Variants in CMC4 observed in about 807,000 individuals in gnomAD.
CMC4 encodes the protein cx9C motif-containing protein 4.
In CMC4, 4 loss-of-function variants were observed where a neutral mutation model predicts 5.1. The ratio of observed to expected loss-of-function variants is 0.78; its 90% CI spans 0.38 to 1.78. The LOEUF is 1.78. Among genes scored for constraint, CMC4 ranks in the 40% most tolerant of loss-of-function variants. CMC4 has a pLI of 0.04. For synonymous variants in CMC4, 23 were observed against 18.9 expected (o/e 1.22, Z -0.57); for missense variants, 52 against 51.3 (o/e 1.01, Z -0.04).
intron 1 of CMC4, chrX:155,065,765 C>T: frequency 8.3e-7 from 1 of 1,211,173 alleles, no homozygotes; most frequent in Non-Finnish European, 1.1e-6. Flanking sequence ...ATTTGCTGGA[C>T]TCGTGCCCTT....
intron 1 of CMC4, among the ~76,000 whole-genome samples, chrX:155,066,360 C>A (rs2073948262): frequency 8.9e-6 from 1 of 112,146 alleles, no homozygotes; most frequent in Non-Finnish European, 1.9e-5. Context: ...ACACATACTG[C>A]ATTCACAAGC....
At chrX:155,063,327 C>T (rs187897873) in intron 2 of CMC4, among the ~76,000 whole-genome samples, 11 of 112,293 alleles carry the variant, frequency 9.8e-5, no homozygotes, top group African/African-American at 3.6e-4. Flanking sequence ...CCATCTCCAT[C>T]TATTACTTTA....
rs2073972861 is a variant in CMC4, at chrX:155,071,081, G to A, written c.-398C>T. On this transcript the variant is annotated 5_prime_UTR_variant, in exon 1 of 3. Transcript: ENST00000369484. ...GTCTCCTTAGCGGGCGGGCAAAATG[G>A]GCGCCGGTACTCGGGAGGCGCCTGC... 9.0e-6 allele frequency: 1 copy of A among 111,579 alleles called. No homozygotes were observed. Among genetic ancestry groups the A allele is most frequent in the Admixed American group, 9.3e-5 (1 of 10,754 alleles). 9.2% of individuals were successfully genotyped at this position (111,579 alleles called of 1,213,427 possible).
chrX:155,065,414 C>T, intron 1 of CMC4: 1 of 998,827 alleles, frequency 1.0e-6, no homozygotes, highest in South Asian at 2.0e-5. Context: ...AAAAAAAAAT[C>T]ATTAAAATCA....
At chrX:155,063,259 A>T (rs1168448133) in intron 2 of CMC4, among the ~76,000 whole-genome samples, 6 of 112,242 alleles carry the variant, frequency 5.3e-5, no homozygotes, top group African/African-American at 1.9e-4. Flanking sequence ...TTGGTGGTGA[A>T]TCTTTGGGGG....
chrX:155,065,772 C>G, intron 1 of CMC4: 1 of 1,210,777 alleles, frequency 8.3e-7, no homozygotes, highest in Non-Finnish European at 1.1e-6. Flanking sequence ...GGACTCGTGC[C>G]CTTAGGAAAC....
At chrX:155,070,560 A>C (rs1188825481) in intron 1 of CMC4, 134 bp downstream of exon 1, 1 of 112,428 alleles carries the variant, frequency 8.9e-6, no homozygotes, top group Non-Finnish European at 1.9e-5. Flanking sequence ...TAAAAACTGA[A>C]GTTCTCCATT....
intron 1 of CMC4, chrX:155,064,280 T>C (rs1426867302): frequency 4.2e-6 from 1 of 237,405 alleles, no homozygotes; most frequent in Non-Finnish European, 7.6e-6. Flanking sequence ...CAACTCTTTT[T>C]GAATACTGTA....
chrX:155,067,793 A>G lies in CMC4; in HGVS notation c.-11+2901T>C, dbSNP rs782802099. 4.0e-4 allele frequency among the ~76,000 whole-genome samples: 45 copies of G among 112,531 alleles called. 1 individual carries two copies. The highest frequency in any genetic ancestry group is 1.4e-3 in the African/African-American group (42 of 30,969). ...TCAGGTACTGGTCAAGCAATGTTTC[A>G]GTGAACAGGTGTATATGTATGGTGG... On this transcript the variant is annotated intron_variant, in intron 1 of 2. Transcript: ENST00000369484.
chrX:155,068,220 T>C (rs896216792), intron 1 of CMC4, among the ~76,000 whole-genome samples: 12 of 112,074 alleles, frequency 1.1e-4, no homozygotes, highest in East Asian at 2.8e-4. Flanking sequence ...CAAAATTGCA[T>C]TGGTTATATT....
chrX:155,062,061 G>A, intron 2 of CMC4, 70 bp from the exon 3 acceptor site: 1 of 1,006,250 alleles, frequency 9.9e-7, no homozygotes, highest in Non-Finnish European at 1.3e-6. Context: ...TTAGATCAGT[G>A]CTTCCCACCC....
At chrX:155,064,095 C>A (rs1557291831) in intron 1 of CMC4, 62 bp from the exon 2 acceptor site, 1 of 948,800 alleles carries the variant, frequency 1.1e-6, no homozygotes, top group African/African-American at 2.0e-5. Context: ...AGCCCCTCTA[C>A]GTGGAATTTT....
At chrX:155,066,413 C>T (rs1557292025) in intron 1 of CMC4, among the ~76,000 whole-genome samples, 1 of 112,159 alleles carries the variant, frequency 8.9e-6, no homozygotes, top group African/African-American at 3.2e-5. Context: ...ATGCAAAGAG[C>T]GTGCCTAAAG....
intron 1 of CMC4, chrX:155,065,390 A>C (rs2073944299): frequency 1.2e-6 from 1 of 814,819 alleles, no homozygotes; most frequent in Non-Finnish European, 1.8e-6. Context: ...TCTTCGTAGA[A>C]TCCCAGCACC....
chrX:155,068,599 C>A (rs2073957832), intron 1 of CMC4, among the ~76,000 whole-genome samples: 1 of 112,349 alleles, frequency 8.9e-6, no homozygotes, highest in African/African-American at 3.2e-5. Flanking sequence ...TATACAATCA[C>A]AGGTTTTATG....
At position 155,071,035 on chromosome X, in the gene CMC4, A is replaced by C. The variant is rs2073972471; in HGVS notation, c.-352T>G. 8.9e-6 allele frequency: 1 copy of C among 112,758 alleles called. No homozygotes were observed. The highest frequency in any genetic ancestry group is 3.2e-5 in the African/African-American group (1 of 31,191). 9.3% of individuals were successfully genotyped at this position (112,758 alleles called of 1,213,427 possible). A position where few individuals can be genotyped will look rare whatever the true frequency, so the allele number is the denominator to read the frequency against. ...ATGTCGTCTTAAAGGGCTGTCCCCC[A>C]AGCGTGTAGGCCGCGCACGGGTCTC... On this transcript the variant is annotated 5_prime_UTR_variant, in exon 1 of 3. Transcript: ENST00000369484.
At position 155,061,767 on chromosome X, in the gene CMC4, G is replaced by A. The variant is rs2124208872; in HGVS notation, c.*76C>T. 9.0e-7 allele frequency: 1 copy of A among 1,110,540 alleles called. No individual in the cohort carries two copies. Among genetic ancestry groups the A allele is most frequent in the East Asian group, 3.1e-5 (1 of 32,692 alleles). 91.5% of individuals were successfully genotyped at this position (1,110,540 alleles called of 1,213,427 possible). On this transcript the variant is annotated 3_prime_UTR_variant, in exon 3 of 3. Transcript: ENST00000369484. ...CTGACTTTTTCATTTGCTATTTGCT[G>A]CTACCTGGCCTGAAGAGTCAGGAGG...
At chrX:155,062,950 T>C (rs1450316806) in intron 2 of CMC4, among the ~76,000 whole-genome samples, 1 of 111,868 alleles carries the variant, frequency 8.9e-6, no homozygotes, top group Non-Finnish European at 1.9e-5. Context: ...TTTTAGTCTT[T>C]CCAGTTCTTA....
intron 2 of CMC4, among the ~76,000 whole-genome samples, chrX:155,063,038 CAAGGT>C (rs11279530): frequency 0.17 from 18,874 of 111,035 alleles, 1,957 homozygotes; most frequent in African/African-American, 0.39. Flanking sequence ...TTATTTCAAA[CAAGGT>C]AAGGTTTTAT....
Sources: gnomAD v4.1 joint callset for allele counts (sites outside exome capture counted in the v4.1 genomes callset) on GRCh38, gnomAD v4.1.1 for gene constraint, MANE v1.5 for transcripts, NCBI Gene and HGNC (gene_info 2026-07-23, HGNC 2026-07-21) for gene names.